The following DUSP16 variants were observed in gnomAD, a reference collection of about 807,000 sequenced individuals.
The protein encoded by DUSP16 is dual specificity phosphatase 16.
In DUSP16, 21 loss-of-function variants were observed where a neutral mutation model predicts 58.3. The ratio of observed to expected loss-of-function variants is 0.36; its 90% confidence interval spans 0.26 to 0.52. DUSP16 has a LOEUF of 0.52. DUSP16 is among the 20% of genes least tolerant of loss of function. DUSP16 has a pLI of 0.94. For synonymous variants in DUSP16, 320 were observed against 323.8 expected, an observed-to-expected ratio of 0.99 and a Z score of 0.12; for missense variants, 726 against 819.0, an observed-to-expected ratio of 0.89 and a Z score of 1.39.
In DUSP16 at chr12:12,476,542, C is replaced by CT; in HGVS notation, c.*290dup. 3.9e-6 allele frequency: 1 copy of CT among 258,186 alleles called. No individual in the cohort carries two copies. Among genetic ancestry groups the CT allele is most frequent in the East Asian group, 8.3e-5 (1 of 12,056 alleles). 16.0% of individuals were successfully genotyped at this position (258,186 alleles called of 1,614,324 possible). On this transcript the variant is annotated 3_prime_UTR_variant, in exon 7 of 7. Coordinates refer to ENST00000298573, the MANE Select transcript of DUSP16 (RefSeq NM_030640.3). ...TGTCCTCCAACACCAAAGACACTTG[C>CT]TTTTTTAAGAACAAGAGGATGTGTA... is the stretch of plus-strand genomic sequence containing the variant.
At chr12:12,523,653 AAG>A (rs1944265012) in intron 1 of DUSP16, among the ~76,000 whole-genome samples, 1 of 152,254 alleles carries the variant, frequency 6.6e-6, no homozygotes, top group South Asian at 2.1e-4. Context: ...AAGGAACTAT[AAG>A]AGAGAATTTG....
chr12:12,500,428 G>C, intron 4 of DUSP16, 91 bp downstream of exon 4: 1 of 1,406,532 alleles, frequency 7.1e-7, no homozygotes, highest in Non-Finnish European at 9.5e-7. Flanking sequence ...TCCTGAGATT[G>C]GGGTGTGTTT....
chr12:12,478,080 G>A (rs1401935176), intron 6 of DUSP16, 65 bp from the exon 7 acceptor site: 9 of 1,312,768 alleles, frequency 6.9e-6, no homozygotes, highest in Middle Eastern at 2.0e-4. Flanking sequence ...AGAATATTAA[G>A]TGAATAAATG....
At chr12:12,498,399 A>ATTATTTAT (rs145777045) in intron 4 of DUSP16, among the ~76,000 whole-genome samples, 27,900 of 146,676 alleles carry the variant, frequency 0.19, 3,465 homozygotes, top group Non-Finnish European at 0.26. Context: ...TTTATTTTTT[A>ATTATTTAT]TTATTTATTT....
At chr12:12,494,692 C>T (rs1462944650) in intron 4 of DUSP16, among the ~76,000 whole-genome samples, 1 of 152,024 alleles carries the variant, frequency 6.6e-6, no homozygotes, top group Non-Finnish European at 1.5e-5. Flanking sequence ...GGGGTGCACT[C>T]ACTAGGTGAG....
intron 4 of DUSP16, among the ~76,000 whole-genome samples, chr12:12,498,208 A>T (rs962497449): frequency 6.6e-6 from 1 of 152,112 alleles, no homozygotes; most frequent in African/African-American, 2.4e-5. Context: ...TTTGTAAAAA[A>T]GAGGCAAATC....
chr12:12,554,553 C>T (rs1944780168), intron 1 of DUSP16: 1 of 152,134 alleles, frequency 6.6e-6, no homozygotes, highest in Non-Finnish European at 1.5e-5. Context: ...TCAGCTTCAA[C>T]AATTTTCAAA....
intron 4 of DUSP16, among the ~76,000 whole-genome samples, chr12:12,497,280 C>T (rs770062894): frequency 2.5e-4 from 38 of 152,088 alleles, no homozygotes; most frequent in Non-Finnish European, 5.3e-4. Context: ...TTCTGTTGGA[C>T]GGTACTGGTA....
chr12:12,557,590 A>G lies in DUSP16; in HGVS notation c.-366+4527T>C, dbSNP rs542845892. Among the ~76,000 whole-genome samples, 266 of 150,796 alleles carry G rather than the reference A, an allele frequency of 1.8e-3. 3 individuals are homozygous for G. The highest frequency in any genetic ancestry group is 5.7e-3 in the African/African-American group (235 of 40,984). The stretch of plus-strand genomic sequence containing the variant: ...TAGATTTTTATTCAAATTCATTTGG[A>G]CTGCACATGAATATTAAAAAGTTAT... On this transcript the variant is annotated intron_variant, in intron 1 of 6. Coordinates refer to ENST00000298573, the MANE Select transcript of DUSP16 (RefSeq NM_030640.3).
intron 1 of DUSP16, among the ~76,000 whole-genome samples, chr12:12,525,085 C>A (rs999530611): frequency 6.6e-6 from 1 of 152,118 alleles, no homozygotes; most frequent in South Asian, 2.1e-4. Flanking sequence ...CACAAATATA[C>A]ACACTTTTCC....
chr12:12,537,451 T>G (rs1944484193), intron 1 of DUSP16, among the ~76,000 whole-genome samples: 1 of 152,236 alleles, frequency 6.6e-6, no homozygotes, highest in South Asian at 2.1e-4. Flanking sequence ...TTGCCAAATG[T>G]AACCTTCAGT....
At chr12:12,490,937 T>C (rs889224167) in intron 4 of DUSP16, among the ~76,000 whole-genome samples, 7 of 152,214 alleles carry the variant, frequency 4.6e-5, no homozygotes, top group Non-Finnish European at 8.8e-5. Flanking sequence ...ATAATTATAA[T>C]AACAAGTCCA....
chr12:12,520,386 G>A (rs1944215205), intron 2 of DUSP16, among the ~76,000 whole-genome samples: 1 of 152,094 alleles, frequency 6.6e-6, no homozygotes, highest in Non-Finnish European at 1.5e-5. Context: ...GAGCTCATTT[G>A]TATTTGTGAA....
chr12:12,539,750 TTA>T (rs1944523400), intron 1 of DUSP16, among the ~76,000 whole-genome samples: 1 of 87,448 alleles, frequency 1.1e-5, no homozygotes, highest in Non-Finnish European at 2.1e-5. Context: ...CAGCAGTTAT[TTA>T]AAAAAAAAAA....
chr12:12,518,869 G>A (rs1332270732), intron 3 of DUSP16, among the ~76,000 whole-genome samples: 1 of 152,174 alleles, frequency 6.6e-6, no homozygotes, highest in Admixed American at 6.5e-5. Flanking sequence ...CTTGTTCTTA[G>A]AGAACTGAGG....
In DUSP16 at chr12:12,558,671, C is replaced by A. The variant is rs73063463; in HGVS notation, c.-366+3446G>T. 1.3e-5 allele frequency among the ~76,000 whole-genome samples: 2 copies of A among 152,312 alleles called. 1 individual carries two copies. The highest frequency in any genetic ancestry group is 4.1e-4 in the South Asian group (2 of 4,828). Reference sequence around the variant, plus strand: ...CTGGGATTATAGGAATGAGCCACCACGCCTGGCCTACATTTTTTAATGTAA... The same window carrying A: ...CTGGGATTATAGGAATGAGCCACCAAGCCTGGCCTACATTTTTTAATGTAA... On this transcript the variant is annotated intron_variant, in intron 1 of 6. Coordinates refer to ENST00000298573, the MANE Select transcript of DUSP16 (RefSeq NM_030640.3).
At chr12:12,519,547 T>C (rs992253580) in intron 3 of DUSP16, among the ~76,000 whole-genome samples, 1 of 152,110 alleles carries the variant, frequency 6.6e-6, no homozygotes, top group African/African-American at 2.4e-5. Flanking sequence ...TGTTCTTACA[T>C]CACAGGTGAA....
At chr12:12,502,042 G>A (rs1943918221) in intron 3 of DUSP16, among the ~76,000 whole-genome samples, 1 of 152,066 alleles carries the variant, frequency 6.6e-6, no homozygotes, top group African/African-American at 2.4e-5. Flanking sequence ...AGTCTTATTA[G>A]AAGATAGTAC....
At chr12:12,481,095 T>C (rs551342654) in intron 5 of DUSP16, among the ~76,000 whole-genome samples, 1 of 152,278 alleles carries the variant, frequency 6.6e-6, no homozygotes, top group Admixed American at 6.5e-5. Flanking sequence ...GAAAACCTTG[T>C]ATAGGCTATG....
Sources: allele counts gnomAD v4.1 joint callset (sites outside exome capture counted in the v4.1 genomes callset), GRCh38; gene constraint gnomAD v4.1.1; transcripts MANE v1.5; gene names NCBI Gene and HGNC (gene_info 2026-07-23, HGNC 2026-07-21).